Variants in DPYD observed in about 807,000 individuals in gnomAD.
DPYD encodes the protein dihydropyrimidine dehydrogenase.
A neutral mutation model predicts 116.2 loss-of-function variants in DPYD; 109 were observed. That is an observed-to-expected ratio of 0.94 (90% CI 0.80 to 1.10). DPYD has a LOEUF of 1.10. Among genes scored for constraint, DPYD ranks in the 50% least tolerant of loss-of-function variants. The probability of loss-of-function intolerance (pLI) is 0.00; values close to 1 mark genes in which losing one functional copy is unlikely to be tolerated. For synonymous variants in DPYD, 440 were observed against 432.0 expected, an observed-to-expected ratio of 1.02 and a Z score of -0.23; for missense variants, 1,302 against 1,254.5, an observed-to-expected ratio of 1.04 and a Z score of -0.57.
intron 1 of DPYD, among the ~76,000 whole-genome samples, chr1:97,902,598 C>T (rs1673421244): frequency 6.6e-6 from 1 of 151,766 alleles, no homozygotes; most frequent in Non-Finnish European, 1.5e-5. Context: ...TGTAAATTAT[C>T]ACCATCACTT....
At chr1:97,721,715 A>AC in intron 4 of DPYD, 44 bp from the exon 5 acceptor site, 1 of 1,574,766 alleles carries the variant, frequency 6.4e-7, no homozygotes, top group Non-Finnish European at 8.7e-7. Context: ...TTAAAAATAT[A>AC]CTTTAAACAG....
chr1:97,604,609 A>G (rs1387923192), intron 8 of DPYD, among the ~76,000 whole-genome samples: 1 of 152,128 alleles, frequency 6.6e-6, no homozygotes, highest in African/African-American at 2.4e-5. Flanking sequence ...AATATGTTAG[A>G]TATTAGAAAA....
chr1:97,216,310 C>CAGAT (rs1194177417), intron 19 of DPYD, among the ~76,000 whole-genome samples: 2 of 151,902 alleles, frequency 1.3e-5, no homozygotes, highest in Admixed American at 1.3e-4. Context: ...TATTAATACT[C>CAGAT]AGATAAAACA....
chr1:97,163,944 T>C (rs1416873213), intron 20 of DPYD, among the ~76,000 whole-genome samples: 2 of 152,096 alleles, frequency 1.3e-5, no homozygotes, highest in South Asian at 4.1e-4. Context: ...TAAGGAAAAA[T>C]GGCAAGTTGA....
At chr1:97,901,665 T>A (rs945521566) in intron 1 of DPYD, among the ~76,000 whole-genome samples, 14 of 151,766 alleles carry the variant, frequency 9.2e-5, no homozygotes, top group Non-Finnish European at 2.9e-5. Context: ...TTAGTACTGT[T>A]TGGCTCATCA....
chr1:97,277,255 G>A (rs895101921), intron 18 of DPYD, among the ~76,000 whole-genome samples: 1 of 151,836 alleles, frequency 6.6e-6, no homozygotes, highest in Non-Finnish European at 1.5e-5. Flanking sequence ...AACTCACTGG[G>A]TACTAAGCTC....
chr1:97,676,774 T>G (rs1660166304), intron 8 of DPYD, among the ~76,000 whole-genome samples: 1 of 152,162 alleles, frequency 6.6e-6, no homozygotes, highest in Non-Finnish European at 1.5e-5. Flanking sequence ...AAATAAACAT[T>G]TCCTAGAGAA....
intron 3 of DPYD, among the ~76,000 whole-genome samples, chr1:97,743,382 C>T (rs947552391): frequency 6.6e-6 from 1 of 152,114 alleles, no homozygotes; most frequent in African/African-American, 2.4e-5. Context: ...ACTCTGACAG[C>T]TCAGTAATTA....
At chr1:97,215,263 AAC>A (rs1570687032) in intron 19 of DPYD, among the ~76,000 whole-genome samples, 1 of 152,212 alleles carries the variant, frequency 6.6e-6, no homozygotes, top group African/African-American at 2.4e-5. Context: ...GCTAATGAGC[AAC>A]AGAGCTGGGA....
At position 97,890,518 on chromosome 1, in the gene DPYD, T is replaced by C. The variant is rs954410879; in HGVS notation, c.40-7144A>G. ...TTAATTTTAAGTGGTGTATTCCTTATGATGAAATAATACTAACAGGACCTA... is the reference window on the plus strand; with the variant it reads ...TTAATTTTAAGTGGTGTATTCCTTACGATGAAATAATACTAACAGGACCTA... On this transcript the variant is annotated intron_variant, in intron 1 of 22. Transcript: ENST00000370192. 5.3e-5 allele frequency among the ~76,000 whole-genome samples: 8 copies of C among 152,010 alleles called. No individual in the cohort carries two copies. The East Asian group carries it at 1.2e-3, about 22-fold the overall frequency.
intron 2 of DPYD, among the ~76,000 whole-genome samples, chr1:97,841,222 A>G (rs1301235691): frequency 6.6e-6 from 1 of 152,106 alleles, no homozygotes; most frequent in African/African-American, 2.4e-5. Context: ...GGCTCAGATA[A>G]TTTACATGTG....
chr1:97,256,211 T>C (rs1207406438), intron 18 of DPYD, among the ~76,000 whole-genome samples: 1 of 152,122 alleles, frequency 6.6e-6, no homozygotes, highest in Middle Eastern at 3.2e-3. Flanking sequence ...AACATTTCCA[T>C]TGTTAAGCAT....
Position 97,450,119 on chromosome 1 carries a change from C to T in DPYD, c.1845G>A (p.Glu615=). 2 of 1,613,966 alleles carry T rather than the reference C, an allele frequency of 1.2e-6. No individual in the cohort carries two copies. The highest frequency in any genetic ancestry group is 1.7e-6 in the Non-Finnish European group (2 of 1,179,914). ...TTTGACACCAATATGCAGCCGTTTT[C>T]TCACTGATGAGCTCAATATTCAGAA... ...SSFLNIELIS[E]KTAAYWCQSV... The change falls in exon 14 of 23, where the codon GAG becomes GAA. Residue 615 remains glutamate, a synonymous_variant. Coordinates refer to ENST00000370192, the MANE Select transcript of DPYD (RefSeq NM_000110.4).
intron 3 of DPYD, among the ~76,000 whole-genome samples, chr1:97,780,502 A>G (rs1666681481): frequency 6.6e-6 from 1 of 152,214 alleles, no homozygotes; most frequent in African/African-American, 2.4e-5. Context: ...GAGTTCTTAC[A>G]TGTGGATAAC....
At position 97,158,290 on chromosome 1, in the gene DPYD, C is replaced by CA. The variant is rs570505906; in HGVS notation, c.2622+34778dup. Among the ~76,000 whole-genome samples, 712 of 151,842 alleles carry CA rather than the reference C, an allele frequency of 4.7e-3. 5 individuals carry two copies. Among genetic ancestry groups the CA allele is most frequent in the African/African-American group, 0.017 (687 of 41,424 alleles). ...CAGGATGGGAATTTAAAAACAACAG[C>CA]AAAAAACATTTAAGTCTTCAAATTT... On this transcript the variant is annotated intron_variant, in intron 20 of 22. Transcript: ENST00000370192.
At chr1:97,546,358 G>T in intron 12 of DPYD, 1 of 1,421,830 alleles carries the variant, frequency 7.0e-7, no homozygotes, top group Non-Finnish European at 9.9e-7. Context: ...TGGGAATGAA[G>T]CTGCAGTAAA....
At chr1:97,513,773 A>C (rs1175469677) in intron 13 of DPYD, among the ~76,000 whole-genome samples, 1 of 151,888 alleles carries the variant, frequency 6.6e-6, no homozygotes, top group African/African-American at 2.4e-5. Context: ...GAAATAAGAA[A>C]TAAGCACATA....
chr1:97,676,196 CCT>C (rs1442361063), intron 8 of DPYD, among the ~76,000 whole-genome samples: 1 of 152,134 alleles, frequency 6.6e-6, no homozygotes, highest in East Asian at 1.9e-4. Context: ...TCATTTCTAT[CCT>C]CTCTCAATAT....
At chr1:97,158,691 G>T (rs1485082332) in intron 20 of DPYD, among the ~76,000 whole-genome samples, 2 of 152,024 alleles carry the variant, frequency 1.3e-5, no homozygotes, top group African/African-American at 4.8e-5. Flanking sequence ...CTAACTGGCT[G>T]AGAAATCAGA....
Sources: gnomAD v4.1 joint callset for allele counts (sites outside exome capture counted in the v4.1 genomes callset) on GRCh38, gnomAD v4.1.1 for gene constraint, MANE v1.5 for transcripts, NCBI Gene and HGNC (gene_info 2026-07-23, HGNC 2026-07-21) for gene names.